Variants in FAM135B observed in about 807,000 individuals in gnomAD.
FAM135B encodes family with sequence similarity 135 member B, also known as protein FAM135B.
A neutral mutation model predicts 127.7 loss-of-function variants in FAM135B; 43 were observed. That is an observed-to-expected ratio of 0.34 (90% CI 0.26 to 0.43). The LOEUF is 0.43. FAM135B is among the 20% of genes least tolerant of loss of function. The pLI, the probability that FAM135B is intolerant of heterozygous loss-of-function variation, is 1.00. For synonymous variants in FAM135B, 670 were observed against 665.1 expected, an observed-to-expected ratio of 1.01 and a Z score of -0.11; for missense variants, 1,558 against 1,725.6, an observed-to-expected ratio of 0.90 and a Z score of 1.72.
At position 138,446,086 on chromosome 8, in the gene FAM135B, C is replaced by G. The variant is rs187585942; in HGVS notation, c.-20+50585G>C. Among the ~76,000 whole-genome samples, 79 of 152,258 alleles carry G rather than the reference C, an allele frequency of 5.2e-4. No individual in the cohort carries two copies. In the East Asian group the frequency reaches 0.015, roughly 28 times the overall value. On this transcript the variant is annotated intron_variant, in intron 1 of 19. Transcript: ENST00000395297. ...CAAAGAGAATAAAATACCTAGGAAT[C>G]CAACTTACAACGGATGTGAAGGACC... is the stretch of plus-strand genomic sequence containing the variant.
chr8:138,312,563 C>T (rs1826770705), intron 2 of FAM135B, among the ~76,000 whole-genome samples: 1 of 152,200 alleles, frequency 6.6e-6, no homozygotes, highest in Non-Finnish European at 1.5e-5. Flanking sequence ...AGCCCTCTCC[C>T]TCCAGCCGAA....
chr8:138,480,740 C>T (rs1814333388), intron 1 of FAM135B, among the ~76,000 whole-genome samples: 1 of 152,170 alleles, frequency 6.6e-6, no homozygotes, highest in South Asian at 2.1e-4. Flanking sequence ...TCCTAGTTTG[C>T]ACTGATTGCT....
intron 4 of FAM135B, among the ~76,000 whole-genome samples, chr8:138,257,072 C>A (rs936012381): frequency 3.3e-5 from 5 of 152,152 alleles, no homozygotes; most frequent in Admixed American, 3.3e-4. Flanking sequence ...GATCTAGAAT[C>A]CCATCTGGGG....
At chr8:138,316,254 C>A (rs1051096398) in intron 2 of FAM135B, among the ~76,000 whole-genome samples, 5 of 152,148 alleles carry the variant, frequency 3.3e-5, no homozygotes, top group Admixed American at 6.5e-5. Context: ...CGCCTGTAAT[C>A]CCAGCACTTT....
In FAM135B at chr8:138,215,031, G is replaced by A. The variant is rs150124989; in HGVS notation, c.670-17362C>T. Among the ~76,000 whole-genome samples, 63 of 152,274 alleles carry A rather than the reference G, an allele frequency of 4.1e-4. No individual in the cohort carries two copies. In the East Asian group the frequency reaches 5.6e-3, roughly 14 times the overall value. On this transcript the variant is annotated intron_variant, in intron 7 of 19. Coordinates refer to ENST00000395297, the MANE Select transcript of FAM135B (RefSeq NM_015912.4). Reference sequence around the variant, plus strand: ...AACGTAGACATAAGAGAGAAGAAGGGATCGGGGATAATTCTGAGGTTTCCA... The same window carrying A: ...AACGTAGACATAAGAGAGAAGAAGGAATCGGGGATAATTCTGAGGTTTCCA...
At chr8:138,354,543 C>T (rs1436664939) in intron 2 of FAM135B, among the ~76,000 whole-genome samples, 2 of 152,112 alleles carry the variant, frequency 1.3e-5, no homozygotes, top group Non-Finnish European at 1.5e-5. Flanking sequence ...ACATCTTGTC[C>T]ATGTTTAACT....
At chr8:138,305,921 G>A (rs1325728145) in intron 3 of FAM135B, among the ~76,000 whole-genome samples, 2 of 152,044 alleles carry the variant, frequency 1.3e-5, no homozygotes, top group Non-Finnish European at 2.9e-5. Flanking sequence ...ACACATGCAT[G>A]TATATGTATA....
intron 2 of FAM135B, among the ~76,000 whole-genome samples, chr8:138,331,040 C>T (rs190984949): frequency 6.6e-6 from 1 of 152,178 alleles, no homozygotes; most frequent in Non-Finnish European, 1.5e-5. Context: ...TGGGGTTTCT[C>T]CATGTTGGTC....
At chr8:138,210,337 G>A (rs1818042584) in intron 7 of FAM135B, among the ~76,000 whole-genome samples, 1 of 152,154 alleles carries the variant, frequency 6.6e-6, no homozygotes, top group African/African-American at 2.4e-5. Context: ...AAGATCTCTT[G>A]TATGAATTTG....
At chr8:138,235,293 G>A (rs1820187152) in intron 7 of FAM135B, among the ~76,000 whole-genome samples, 1 of 150,256 alleles carries the variant, frequency 6.7e-6, no homozygotes. Context: ...CTGGGATGAA[G>A]ACTTGTCATT....
chr8:138,288,691 C>T (rs1020057656), intron 3 of FAM135B, among the ~76,000 whole-genome samples: 6 of 151,910 alleles, frequency 3.9e-5, no homozygotes, highest in Admixed American at 1.3e-4. Flanking sequence ...AGGTCCATTT[C>T]GATAATCAAA....
intron 9 of FAM135B, among the ~76,000 whole-genome samples, chr8:138,179,061 C>G (rs1448632163): frequency 1.3e-5 from 2 of 152,150 alleles, no homozygotes. Flanking sequence ...ACATCTTGCA[C>G]CTTGAATGTT....
intron 1 of FAM135B, among the ~76,000 whole-genome samples, chr8:138,376,853 C>T (rs1831509480): frequency 6.6e-6 from 1 of 152,146 alleles, no homozygotes; most frequent in African/African-American, 2.4e-5. Context: ...CAAAAGGTCC[C>T]TCATATCCAG....
intron 1 of FAM135B, among the ~76,000 whole-genome samples, chr8:138,487,363 T>TC (rs1815021929): frequency 6.6e-6 from 1 of 152,076 alleles, no homozygotes; most frequent in African/African-American, 2.4e-5. Context: ...TTTTTTTTTT[T>TC]CTGAGAAGAG....
intron 7 of FAM135B, among the ~76,000 whole-genome samples, chr8:138,237,614 T>C: frequency 6.6e-6 from 1 of 152,238 alleles, no homozygotes; most frequent in Non-Finnish European, 1.5e-5. Flanking sequence ...AGGAAATTAA[T>C]ATTTAATTCA....
At chr8:138,239,892 T>C (rs1004755969) in intron 7 of FAM135B, among the ~76,000 whole-genome samples, 3 of 150,462 alleles carry the variant, frequency 2.0e-5, no homozygotes, top group Non-Finnish European at 4.4e-5. Flanking sequence ...AGCAAACTAT[T>C]GCAAGGACAA....
intron 9 of FAM135B, among the ~76,000 whole-genome samples, chr8:138,194,116 A>G (rs1035346139): frequency 2.0e-5 from 3 of 152,170 alleles, no homozygotes; most frequent in Admixed American, 6.5e-5. Flanking sequence ...TGGCCTTTAC[A>G]CACTCTCTAA....
intron 1 of FAM135B, among the ~76,000 whole-genome samples, chr8:138,475,150 G>A (rs1814345111): frequency 6.6e-6 from 1 of 152,040 alleles, no homozygotes; most frequent in South Asian, 2.1e-4. Flanking sequence ...GAAATAGCTG[G>A]GTAGTTCAAG....
intron 7 of FAM135B, among the ~76,000 whole-genome samples, chr8:138,223,130 C>T (rs1273574424): frequency 2.6e-5 from 4 of 152,120 alleles, no homozygotes; most frequent in Admixed American, 6.6e-5. Context: ...TCTGAACCTC[C>T]GTTTTCTTGT....
Sources: allele counts gnomAD v4.1 joint callset (sites outside exome capture counted in the v4.1 genomes callset), GRCh38; gene constraint gnomAD v4.1.1; transcripts MANE v1.5; gene names NCBI Gene and HGNC (gene_info 2026-07-23, HGNC 2026-07-21).